Variants in ARSB observed in about 807,000 individuals in gnomAD.
ARSB encodes the protein N-acetylgalactosamine-4-sulfatase.
Under a neutral mutation model 50.9 loss-of-function variants are expected in ARSB, and 41 were observed. The ratio of observed to expected loss-of-function variants is 0.81; its 90% CI spans 0.63 to 1.04. The LOEUF (loss-of-function observed/expected upper bound fraction) is 1.04. Among genes scored for constraint, ARSB ranks in the 50% least tolerant of loss-of-function variants. ARSB has a pLI of 0.00. For missense variants in ARSB, 672 were observed against 693.3 expected, an observed-to-expected ratio of 0.97 and a Z score of 0.35; for synonymous variants, 269 against 284.8, an observed-to-expected ratio of 0.94 and a Z score of 0.56.
At chr5:78,794,885 T>C (rs1368436959) in intron 6 of ARSB, among the ~76,000 whole-genome samples, 1 of 152,220 alleles carries the variant, frequency 6.6e-6, no homozygotes, top group African/African-American at 2.4e-5. Flanking sequence ...CCAGAGCTAA[T>C]TAATAGCAGT....
At chr5:78,834,113 T>C (rs187593135) in intron 6 of ARSB, among the ~76,000 whole-genome samples, 1 of 152,294 alleles carries the variant, frequency 6.6e-6, no homozygotes, top group Non-Finnish European at 1.5e-5. Flanking sequence ...AACAACTTAC[T>C]ACGATGTTAG....
At chr5:78,980,271 A>C (rs1251752946) in intron 1 of ARSB, among the ~76,000 whole-genome samples, 2 of 152,252 alleles carry the variant, frequency 1.3e-5, no homozygotes, top group African/African-American at 2.4e-5. Context: ...GTAAATTGGT[A>C]CAATCCCTTA....
chr5:78,984,353 G>A (rs1753046310), intron 1 of ARSB, among the ~76,000 whole-genome samples: 1 of 152,204 alleles, frequency 6.6e-6, no homozygotes, highest in South Asian at 2.1e-4. Flanking sequence ...TAATGAAGAT[G>A]CTCAGAAGAG....
At chr5:78,945,858 G>A (rs1311374704) in intron 4 of ARSB, among the ~76,000 whole-genome samples, 1 of 152,138 alleles carries the variant, frequency 6.6e-6, no homozygotes, top group Non-Finnish European at 1.5e-5. Context: ...ATCTGGCCAA[G>A]CCATTCCCAA....
chr5:78,904,685 CTTT>C lies in ARSB; in HGVS notation c.899-18861_899-18859del, dbSNP rs55920994. ...ATAATTTTCTTTCTTTTCTTTCTTT[CTTT>C]TTTTTTTTTTTTTTTTTGAGAGAGG... On this transcript the variant is annotated intron_variant, in intron 4 of 7. Transcript: ENST00000264914. Among the ~76,000 whole-genome samples, 451 of 98,890 alleles carry C rather than the reference CTTT, an allele frequency of 4.6e-3. 1 individual carries two copies. The highest frequency in any genetic ancestry group is 0.013 in the African/African-American group (312 of 24,446). 64.9% of individuals were successfully genotyped at this position (98,890 alleles called of 152,430 possible). A position where few individuals can be genotyped will look rare whatever the true frequency, so the allele number is the denominator to read the frequency against.
intron 6 of ARSB, among the ~76,000 whole-genome samples, chr5:78,828,245 G>T (rs920673984): frequency 7.0e-6 from 1 of 142,692 alleles, no homozygotes; most frequent in Non-Finnish European, 1.5e-5. Context: ...TAAAAATTTT[G>T]AGCTTTTCTG....
chr5:78,951,200 A>G (rs1751481824), intron 4 of ARSB, among the ~76,000 whole-genome samples: 1 of 152,128 alleles, frequency 6.6e-6, no homozygotes, highest in Non-Finnish European at 1.5e-5. Context: ...GCAACATAGC[A>G]AGACCCTATC....
chr5:78,856,088 T>C (rs1308488649), intron 5 of ARSB, among the ~76,000 whole-genome samples: 1 of 152,218 alleles, frequency 6.6e-6, no homozygotes, highest in Non-Finnish European at 1.5e-5. Flanking sequence ...TTCATTCTTC[T>C]GCATGTGGGT....
At chr5:78,807,861 A>G (rs1278045036) in intron 6 of ARSB, among the ~76,000 whole-genome samples, 1 of 152,088 alleles carries the variant, frequency 6.6e-6, no homozygotes, top group African/African-American at 2.4e-5. Context: ...TGGGAGGCCG[A>G]GGCGGGCGGA....
chr5:78,878,110 C>A (rs1198148157), intron 5 of ARSB, among the ~76,000 whole-genome samples: 1 of 151,962 alleles, frequency 6.6e-6, no homozygotes, highest in Non-Finnish European at 1.5e-5. Context: ...ATAAAAAGAG[C>A]ATTAGTAAAC....
chr5:78,944,944 C>A (rs1462804036), intron 4 of ARSB, among the ~76,000 whole-genome samples: 2 of 152,180 alleles, frequency 1.3e-5, no homozygotes, highest in Admixed American at 6.5e-5. Context: ...AGCTTCCCGG[C>A]CACTTTGTTT....
chr5:78,899,794 A>G (rs1196153090), intron 4 of ARSB, among the ~76,000 whole-genome samples: 2 of 152,170 alleles, frequency 1.3e-5, no homozygotes, highest in Non-Finnish European at 2.9e-5. Flanking sequence ...AGAAGCTAAT[A>G]GTCGCCATCT....
At chr5:78,964,267 G>A in intron 3 of ARSB, 149 bp downstream of exon 3, 1 of 784,636 alleles carries the variant, frequency 1.3e-6, no homozygotes, top group Non-Finnish European at 2.0e-6. Flanking sequence ...AGCTTCCCAG[G>A]CTGATTCTGG....
chr5:78,795,419 C>T (rs1047422141), intron 6 of ARSB, among the ~76,000 whole-genome samples: 1 of 152,172 alleles, frequency 6.6e-6, no homozygotes, highest in Non-Finnish European at 1.5e-5. Flanking sequence ...AGGGGGCTGG[C>T]TTGTGGGTCT....
At chr5:78,969,306 T>C in intron 1 of ARSB, 114 bp from the exon 2 acceptor site, 1 of 1,144,778 alleles carries the variant, frequency 8.7e-7, no homozygotes, top group Non-Finnish European at 1.3e-6. Context: ...TGTTTAACTC[T>C]ATTCCTGTAC....
chr5:78,975,698 A>T (rs1224985916), intron 1 of ARSB, among the ~76,000 whole-genome samples: 2 of 152,238 alleles, frequency 1.3e-5, no homozygotes, highest in Non-Finnish European at 1.5e-5. Context: ...CTTAAAAAAG[A>T]AGTAAAGGCA....
chr5:78,827,104 C>A (rs549509368), intron 6 of ARSB, among the ~76,000 whole-genome samples: 1 of 152,190 alleles, frequency 6.6e-6, no homozygotes, highest in Non-Finnish European at 1.5e-5. Flanking sequence ...ATAGAGCCCA[C>A]CTAGACATGA....
chr5:78,794,542 CA>C (rs1743112134), intron 6 of ARSB, among the ~76,000 whole-genome samples: 1 of 150,638 alleles, frequency 6.6e-6, no homozygotes. Flanking sequence ...ATAAGGGAGG[CA>C]AAAAGAAAAC....
At chr5:78,946,706 A>C (rs146612132) in intron 4 of ARSB, among the ~76,000 whole-genome samples, 3 of 152,316 alleles carry the variant, frequency 2.0e-5, no homozygotes, top group African/African-American at 7.2e-5. Flanking sequence ...ATACTACCCA[A>C]AGCAATCTAC....
Sources: gnomAD v4.1 joint callset for allele counts (sites outside exome capture counted in the v4.1 genomes callset) on GRCh38, gnomAD v4.1.1 for gene constraint, MANE v1.5 for transcripts, NCBI Gene and HGNC (gene_info 2026-07-23, HGNC 2026-07-21) for gene names.